Variants in PDZD2 observed in about 807,000 individuals in gnomAD.
PDZD2 encodes PDZ domain containing 2.
In PDZD2, 90 loss-of-function variants were observed where a neutral mutation model predicts 220.7. The observed-to-expected ratio is 0.41, with a 90% CI of 0.34 to 0.49. The LOEUF (loss-of-function observed/expected upper bound fraction) is 0.49, where lower values mean the gene tolerates loss of function less well. PDZD2 is among the 20% of genes least tolerant of loss of function. The pLI, the probability that PDZD2 is intolerant of heterozygous loss-of-function variation, is 0.28. For missense variants in PDZD2, 3,174 were observed against 3,608.5 expected (o/e 0.88, Z 3.08); for synonymous variants, 1,375 against 1,450.5 (o/e 0.95, Z 1.18).
intron 1 of PDZD2, among the ~76,000 whole-genome samples, chr5:31,777,378 G>C (rs7709890): frequency 6.6e-6 from 1 of 151,766 alleles, no homozygotes; most frequent in Non-Finnish European, 1.5e-5. Context: ...CCATGCCTGA[G>C]CCCCCCTCCC....
At chr5:31,642,546 T>C (rs1744987881) in intron 1 of PDZD2, among the ~76,000 whole-genome samples, 1 of 152,214 alleles carries the variant, frequency 6.6e-6, no homozygotes, top group African/African-American at 2.4e-5. Context: ...AGAAGTGTGC[T>C]GTTTGAAAAT....
At chr5:31,839,393 G>A (rs578169069) in intron 2 of PDZD2, among the ~76,000 whole-genome samples, 25 of 149,082 alleles carry the variant, frequency 1.7e-4, no homozygotes, top group Non-Finnish European at 2.8e-4. Context: ...TGTGGTAAAA[G>A]AAAAAAAAAC....
intron 1 of PDZD2, among the ~76,000 whole-genome samples, chr5:31,718,694 A>ATT (rs34261021): frequency 0.017 from 1,285 of 74,638 alleles, 4 homozygotes; most frequent in African/African-American, 0.021. Flanking sequence ...TAACAGCCTC[A>ATT]TTTTTTTTTT....
chr5:31,883,023 CAAAAAAAAAAA>C (rs781370177), intron 2 of PDZD2, among the ~76,000 whole-genome samples: 1 of 47,950 alleles, frequency 2.1e-5, no homozygotes. Flanking sequence ...GACTCTGTCT[CAAAAAAAAAAA>C]AAAAAAAAAA....
chr5:32,046,532 C>T (rs562171367), intron 7 of PDZD2, among the ~76,000 whole-genome samples: 27 of 152,010 alleles, frequency 1.8e-4, no homozygotes, highest in Non-Finnish European at 3.5e-4. Context: ...CATGAGCCAC[C>T]GCACCCAGCC....
At chr5:31,761,331 TGG>T (rs1417489149) in intron 1 of PDZD2, among the ~76,000 whole-genome samples, 1 of 151,970 alleles carries the variant, frequency 6.6e-6, no homozygotes, top group African/African-American at 2.4e-5. Context: ...TTCTTCCAAA[TGG>T]GATGGTAGCA....
intron 2 of PDZD2, among the ~76,000 whole-genome samples, chr5:31,886,436 T>C (rs1000029829): frequency 6.6e-6 from 1 of 152,098 alleles, no homozygotes; most frequent in African/African-American, 2.4e-5. Flanking sequence ...CCGGACTCCC[T>C]TCCTCTCTCC....
At chr5:32,084,371 C>T (rs1433676615) in intron 19 of PDZD2, among the ~76,000 whole-genome samples, 1 of 152,236 alleles carries the variant, frequency 6.6e-6, no homozygotes. Context: ...CATTGCTTAA[C>T]CACGCTGTTT....
intron 10 of PDZD2, among the ~76,000 whole-genome samples, chr5:32,056,171 T>G (rs1303901225): frequency 6.6e-6 from 1 of 152,234 alleles, no homozygotes; most frequent in African/African-American, 2.4e-5. Flanking sequence ...AACATCCACC[T>G]CCTCACCTAA....
intron 2 of PDZD2, among the ~76,000 whole-genome samples, chr5:31,839,966 G>A (rs1757166890): frequency 6.6e-6 from 1 of 152,152 alleles, no homozygotes; most frequent in Non-Finnish European, 1.5e-5. Context: ...CAGCCACGTG[G>A]AACTGTGAGC....
intron 2 of PDZD2, among the ~76,000 whole-genome samples, chr5:31,969,053 A>T (rs1749024703): frequency 1.3e-5 from 2 of 152,148 alleles, no homozygotes; most frequent in South Asian, 4.1e-4. Flanking sequence ...AGGGGCCACC[A>T]GGGGATTCAT....
At chr5:32,004,114 C>T (rs1457922583) in intron 5 of PDZD2, among the ~76,000 whole-genome samples, 3 of 148,038 alleles carry the variant, frequency 2.0e-5, no homozygotes, top group Non-Finnish European at 4.5e-5. Flanking sequence ...GGTGGGGGGG[C>T]CACTTATGGG....
chr5:31,821,825 T>C (rs1490391702), intron 2 of PDZD2, among the ~76,000 whole-genome samples: 1 of 137,890 alleles, frequency 7.3e-6, no homozygotes, highest in Admixed American at 7.6e-5. Context: ...TAGCTATTTG[T>C]CCTATGCTCT....
chr5:31,948,738 T>C (rs986920311), intron 2 of PDZD2, among the ~76,000 whole-genome samples: 2 of 152,164 alleles, frequency 1.3e-5, no homozygotes, highest in Admixed American at 6.5e-5. Flanking sequence ...TCTGAGGTCA[T>C]GTGATTCTGT....
Position 32,061,016 on chromosome 5 carries a change from T to TC in PDZD2, c.2335dup (p.Leu779ProfsTer22). ...GCCCTCCCTAGCCGCGGGGATCAAA[T>TC]CCTGGAAGTGAACTCCGTCAACGTC... On this transcript the variant is annotated frameshift_variant, in exon 14 of 25. Transcript: ENST00000438447. LOFTEE classifies it high-confidence loss of function. 1 of 1,614,192 alleles carries TC rather than the reference T, an allele frequency of 6.2e-7. No individual in the cohort carries two copies. Among genetic ancestry groups the TC allele is most frequent in the Non-Finnish European group, 8.5e-7 (1 of 1,180,028 alleles).
chr5:31,739,565 A>G (rs1750126919), intron 1 of PDZD2, among the ~76,000 whole-genome samples: 1 of 152,198 alleles, frequency 6.6e-6, no homozygotes, highest in Admixed American at 6.5e-5. Flanking sequence ...TGGGATTAAA[A>G]GATAAAAATA....
intron 1 of PDZD2, among the ~76,000 whole-genome samples, chr5:31,675,314 T>C (rs1746366676): frequency 6.6e-6 from 1 of 152,140 alleles, no homozygotes; most frequent in African/African-American, 2.4e-5. Flanking sequence ...ATTTTCCAAG[T>C]CTGCCCTGAG....
At chr5:31,784,596 A>C (rs562923926) in intron 1 of PDZD2, among the ~76,000 whole-genome samples, 1 of 152,174 alleles carries the variant, frequency 6.6e-6, no homozygotes, top group South Asian at 2.1e-4. Flanking sequence ...AGGGACAAAA[A>C]CTCTAAGAGT....
intron 2 of PDZD2, among the ~76,000 whole-genome samples, chr5:31,930,383 G>A (rs968448809): frequency 1.3e-5 from 2 of 151,532 alleles, no homozygotes; most frequent in Non-Finnish European, 2.9e-5. Context: ...TTTTAGTAGA[G>A]TTTCATGGGG....
Sources: gnomAD v4.1 joint callset for allele counts (sites outside exome capture counted in the v4.1 genomes callset) on GRCh38, gnomAD v4.1.1 for gene constraint, MANE v1.5 for transcripts, NCBI Gene and HGNC (gene_info 2026-07-23, HGNC 2026-07-21) for gene names.